Variants in CDH4 observed in about 807,000 individuals in gnomAD.
CDH4 encodes the protein cadherin-4.
In CDH4, 33 loss-of-function variants were observed where a neutral mutation model predicts 86.0. The observed-to-expected ratio is 0.38, with a 90% CI of 0.29 to 0.51. The LOEUF is 0.51. Ranked by LOEUF, CDH4 falls within the 20% of genes least tolerant of loss-of-function variation. CDH4 has a pLI of 0.86. For missense variants in CDH4, 1,114 were observed against 1,307.4 expected, an observed-to-expected ratio of 0.85 and a Z score of 2.28; for synonymous variants, 555 against 549.4, an observed-to-expected ratio of 1.01 and a Z score of -0.14.
intron 4 of CDH4, among the ~76,000 whole-genome samples, chr20:61,780,362 C>A (rs756106759): frequency 2.0e-5 from 3 of 152,144 alleles, no homozygotes; most frequent in Non-Finnish European, 2.9e-5. Context: ...CCATCAGAGG[C>A]CTTCCCAAGG....
intron 2 of CDH4, among the ~76,000 whole-genome samples, chr20:61,373,454 C>CT (rs1482605075): frequency 6.6e-6 from 1 of 152,246 alleles, no homozygotes; most frequent in Non-Finnish European, 1.5e-5. Context: ...CAATGATATT[C>CT]TTTGTTCTTT....
chr20:61,466,978 C>T (rs1199925333), intron 2 of CDH4, among the ~76,000 whole-genome samples: 1 of 152,198 alleles, frequency 6.6e-6, no homozygotes, highest in Non-Finnish European at 1.5e-5. Flanking sequence ...ACTATCTTGG[C>T]CTCTTTCTGA....
At position 61,811,742 on chromosome 20, in the gene CDH4, A is replaced by G. The variant is rs1471556026; in HGVS notation, c.577-32926A>G. Among the ~76,000 whole-genome samples the G allele has an allele frequency of 7.6e-6, 1 of 131,730 alleles. No individual in the cohort carries two copies. The highest frequency in any genetic ancestry group is 1.6e-5 in the Non-Finnish European group (1 of 63,776). 86.4% of individuals were successfully genotyped at this position (131,730 alleles called of 152,430 possible). On this transcript the variant is annotated intron_variant, in intron 4 of 15. Transcript: ENST00000614565. This position sits in a 1 kb window ranked among gnomAD's most constrained non-coding sequence, Gnocchi z 4.4. ...GCTGGAGTGCAGTGCCACGATCTCC[A>G]CTCACTGCAACCTCTGCCTCCCGGG...
rs74520649 is a variant in CDH4, at chr20:61,745,081, G to C, written c.396+1292G>C. On this transcript the variant is annotated intron_variant, in intron 3 of 15. Transcript: ENST00000614565. Reference sequence around the variant, plus strand: ...GTTAACATGAGGCCTCTATGGGGTCGTTTGAGATACGGTGAGCAAAGGAAA... The same window carrying C: ...GTTAACATGAGGCCTCTATGGGGTCCTTTGAGATACGGTGAGCAAAGGAAA... Among the ~76,000 whole-genome samples, 6 of 152,220 alleles carry C rather than the reference G, an allele frequency of 3.9e-5. No homozygotes were observed. The South Asian group carries it at 8.3e-4, about 21-fold the overall frequency.
At chr20:61,792,551 C>G (rs1979259251) in intron 4 of CDH4, among the ~76,000 whole-genome samples, 1 of 152,194 alleles carries the variant, frequency 6.6e-6, no homozygotes, top group Non-Finnish European at 1.5e-5. Context: ...AGGCCATTGA[C>G]ACCTCACCCA....
intron 2 of CDH4, among the ~76,000 whole-genome samples, chr20:61,357,847 C>G (rs1231730957): frequency 6.6e-6 from 1 of 152,228 alleles, no homozygotes; most frequent in African/African-American, 2.4e-5. Flanking sequence ...GGCCTTGACT[C>G]TATGATCCCC....
Position 61,706,675 on chromosome 20 carries a change from G to A in CDH4, c.170-36888G>A, listed in dbSNP as rs73915362. 7.3e-3 allele frequency among the ~76,000 whole-genome samples: 1,106 copies of A among 152,212 alleles called. 13 individuals carry two copies. The highest frequency in any genetic ancestry group is 0.023 in the African/African-American group (938 of 41,536). ...CTCCCGAGCTGCACACAGTGGCACC[G>A]ACTCCCTGATCCCCGATGTGTAGAA... On this transcript the variant is annotated intron_variant, in intron 2 of 15. Transcript: ENST00000614565.
intron 4 of CDH4, among the ~76,000 whole-genome samples, chr20:61,798,104 C>T (rs1381121084): frequency 6.6e-6 from 1 of 152,200 alleles, no homozygotes; most frequent in Non-Finnish European, 1.5e-5. Context: ...TCCTTTGACA[C>T]CCCTCGCCCG....
At chr20:61,724,903 AAG>A (rs1179547616) in intron 2 of CDH4, among the ~76,000 whole-genome samples, 3 of 152,140 alleles carry the variant, frequency 2.0e-5, no homozygotes, top group African/African-American at 7.2e-5. Flanking sequence ...TTGAGCCCAG[AAG>A]TTCAAGACCA....
intron 2 of CDH4, among the ~76,000 whole-genome samples, chr20:61,259,805 T>TA (rs2084119297): frequency 6.6e-6 from 1 of 152,240 alleles, no homozygotes; most frequent in South Asian, 2.1e-4. Flanking sequence ...GGTATCTAAT[T>TA]AGGTTAGTCT....
intron 3 of CDH4, among the ~76,000 whole-genome samples, chr20:61,768,987 C>T (rs1229497836): frequency 6.6e-6 from 1 of 152,178 alleles, no homozygotes; most frequent in Non-Finnish European, 1.5e-5. Context: ...TTCTGAAGCA[C>T]CACCAGGCGG....
chr20:61,900,039 A>C (rs1168672431), intron 8 of CDH4, among the ~76,000 whole-genome samples: 1 of 152,026 alleles, frequency 6.6e-6, no homozygotes, highest in Non-Finnish European at 1.5e-5. Context: ...CCTCCTCGGA[A>C]GTGACCCTCC....
chr20:61,765,889 G>A (rs749008083), intron 3 of CDH4, among the ~76,000 whole-genome samples: 4 of 152,108 alleles, frequency 2.6e-5, no homozygotes, highest in African/African-American at 7.2e-5. Context: ...ACTTGCTGGG[G>A]TCACCTGCCT....
chr20:61,806,286 A>G (rs1194613102), intron 4 of CDH4, among the ~76,000 whole-genome samples: 1 of 152,000 alleles, frequency 6.6e-6, no homozygotes, highest in Non-Finnish European at 1.5e-5. Context: ...CACTGGAGAG[A>G]TGAGGAGGGG....
At position 61,929,785 on chromosome 20, in the gene CDH4, G is replaced by A. The variant is rs1399072894; in HGVS notation, c.2182G>A (p.Ala728Thr). The change falls in exon 13 of 16, where the codon GCT becomes ACT. Residue 728 changes from alanine to threonine, a missense_variant. Coordinates refer to ENST00000614565, the MANE Select transcript of CDH4 (RefSeq NM_001794.5). The part of the protein sequence containing the change: ...DCTTIGAVAA[A>T]GLGTGAIVAI... ...CACCACCATTGGCGCAGTGGCAGCGGCTGGTCTGGGCACCGGTGCCATCGT... is the reference window on the plus strand; with the variant it reads ...CACCACCATTGGCGCAGTGGCAGCGACTGGTCTGGGCACCGGTGCCATCGT... The A allele has an allele frequency of 2.5e-6, 4 of 1,613,948 alleles. No homozygotes were observed. Among genetic ancestry groups the A allele is most frequent in the Admixed American group, 3.3e-5 (2 of 60,012 alleles).
intron 2 of CDH4, among the ~76,000 whole-genome samples, chr20:61,281,979 G>A (rs1346215453): frequency 6.6e-6 from 1 of 152,222 alleles, no homozygotes. Context: ...CACACTGGGG[G>A]TTGGGCCAGT....
At chr20:61,583,322 A>C (rs1041571325) in intron 2 of CDH4, among the ~76,000 whole-genome samples, 1 of 149,192 alleles carries the variant, frequency 6.7e-6, no homozygotes, top group Non-Finnish European at 1.5e-5. Flanking sequence ...GGGGGGACAG[A>C]GGGCTGGACG....
intron 2 of CDH4, among the ~76,000 whole-genome samples, chr20:61,359,381 A>G (rs1260661222): frequency 6.6e-6 from 1 of 152,126 alleles, no homozygotes; most frequent in African/African-American, 2.4e-5. Flanking sequence ...GGGAGAACCT[A>G]TGGTGAGAGG....
intron 2 of CDH4, among the ~76,000 whole-genome samples, chr20:61,494,309 G>A (rs368531462): frequency 1.1e-4 from 16 of 152,272 alleles, no homozygotes; most frequent in African/African-American, 3.6e-4. Context: ...TGTGCAAATC[G>A]CTGAAATCTA....
Sources: allele counts gnomAD v4.1 joint callset (sites outside exome capture counted in the v4.1 genomes callset), GRCh38; gene constraint gnomAD v4.1.1; non-coding constraint Gnocchi (gnomAD v3.1); transcripts MANE v1.5; gene names NCBI Gene and HGNC (gene_info 2026-07-23, HGNC 2026-07-21).